ALG1: variants seen among roughly 807,000 people sequenced by gnomAD.
ALG1 encodes chitobiosyldiphosphodolichol beta-mannosyltransferase.
In ALG1, 58 loss-of-function variants were observed where a neutral mutation model predicts 55.1. That is an observed-to-expected ratio of 1.05 (90% CI 0.85 to 1.31). The LOEUF (loss-of-function observed/expected upper bound fraction) is 1.31, where lower values mean the gene tolerates loss of function less well. Among genes scored for constraint, ALG1 ranks in the 50% most tolerant of loss-of-function variants. The probability of loss-of-function intolerance (pLI) is 0.00; values close to 1 mark genes in which losing one functional copy is unlikely to be tolerated. For synonymous variants in ALG1, 309 were observed against 247.0 expected (o/e 1.25, Z -2.35); for missense variants, 761 against 598.6 (o/e 1.27, Z -2.83).
chr16:5,072,139 G>A, intron 1 of ALG1, 82 bp downstream of exon 1: 2 of 1,547,740 alleles, frequency 1.3e-6, no homozygotes, highest in Non-Finnish European at 1.7e-6. Flanking sequence ...AGTCGAGGCG[G>A]AAGTGCTCCT....
intron 4 of ALG1, among the ~76,000 whole-genome samples, chr16:5,076,284 GCC>G (rs1401322638): frequency 6.6e-6 from 1 of 152,218 alleles, no homozygotes; most frequent in African/African-American, 2.4e-5. Flanking sequence ...TGTGGCCTTC[GCC>G]CTGATAGTTT....
rs144047909 is a variant in ALG1, at chr16:5,084,831, T to C, written c.1345T>C (p.Trp449Arg). Residue 449 changes from tryptophan (W) to arginine (R), a missense_variant, in exon 13 of 13, where the codon TGG (tryptophan) becomes CGG (arginine). Transcript: ENST00000262374. ...KNLRESQQLR[W>R]DESWVQTVLP... The stretch of plus-strand genomic sequence containing the variant: ...CCTGCGGGAGTCGCAGCAGCTCCGA[T>C]GGGATGAGAGCTGGGTGCAGACTGT... 1.3e-6 allele frequency: 2 copies of C among 1,596,464 alleles called. No individual in the cohort carries two copies. Among genetic ancestry groups the C allele is most frequent in the South Asian group, 1.1e-5 (1 of 90,992 alleles).
chr16:5,078,850 C>G lies in ALG1; in HGVS notation c.834C>G (p.Ala278=). 6.2e-7 allele frequency: 1 copy of G among 1,611,842 alleles called. No individual in the cohort carries two copies. Among genetic ancestry groups the G allele is most frequent in the Non-Finnish European group, 8.5e-7 (1 of 1,179,796 alleles). The change falls in exon 7 of 13, where the codon GCC becomes GCG. Residue 278 remains alanine, a synonymous_variant. Transcript: ENST00000262374. ...GLVTRLRERP[A]LLVSSTSWTE... ...TGACGCGTCTCCGTGAGCGGCCAGCCCTGCTGGTCAGCAGCACGAGCTGGA... is the reference window on the plus strand; with the variant it reads ...TGACGCGTCTCCGTGAGCGGCCAGCGCTGCTGGTCAGCAGCACGAGCTGGA...
At position 5,073,230 on chromosome 16, in the gene ALG1, G is replaced by A. The variant is rs1956850865; in HGVS notation, c.364G>A (p.Glu122Lys). The change falls in exon 3 of 13, where the codon GAG becomes AAG. Residue 122 changes from glutamate (E) to lysine (K), a missense_variant. Glu to Lys is a moderately conservative substitution (Grantham distance 56, BLOSUM62 1). Transcript: ENST00000262374. Reference protein sequence around the residue: ...MYLLWKLMWREPGAYIFLQNP... With the variant: ...MYLLWKLMWRKPGAYIFLQNP... ...CTTGCTGTGGAAGTTGATGTGGAGGGAGCCAGGTGCCTATATCTTTCTCCA... is the reference window on the plus strand; with the variant it reads ...CTTGCTGTGGAAGTTGATGTGGAGGAAGCCAGGTGCCTATATCTTTCTCCA... 1 of 1,614,178 alleles carries A rather than the reference G, an allele frequency of 6.2e-7. No individual in the cohort carries two copies. Among genetic ancestry groups the A allele is most frequent in the Non-Finnish European group, 8.5e-7 (1 of 1,180,012 alleles).
At chr16:5,083,228 T>C (rs1422424003) in intron 11 of ALG1, among the ~76,000 whole-genome samples, 4 of 152,100 alleles carry the variant, frequency 2.6e-5, no homozygotes, top group Admixed American at 6.6e-5. Flanking sequence ...TGGCCCCTGC[T>C]CAGGAGCCGG....
chr16:5,082,298 A>G (rs892735791), intron 10 of ALG1, among the ~76,000 whole-genome samples: 19 of 152,046 alleles, frequency 1.2e-4, no homozygotes, highest in African/African-American at 4.3e-4. Flanking sequence ...GGGTGACAGA[A>G]TGAGACTCTG....
In ALG1 at chr16:5,073,261, GT is replaced by G. The variant is rs1307862721; in HGVS notation, c.390+6del. 1 of 1,613,238 alleles carries G rather than the reference GT, an allele frequency of 6.2e-7. No homozygotes were observed. The highest frequency in any genetic ancestry group is 1.3e-5 in the African/African-American group (1 of 74,890). On this transcript the variant is annotated splice_donor_region_variant and intron_variant, in intron 3 of 12. Transcript: ENST00000262374. Reference sequence around the variant, plus strand: ...GGTGCCTATATCTTTCTCCAGGTGTGTATCAGCCTCTGCCTCCCTCTGTGAG... The same window carrying G: ...GGTGCCTATATCTTTCTCCAGGTGTGATCAGCCTCTGCCTCCCTCTGTGAG...
intron 4 of ALG1, 118 bp from the exon 5 acceptor site, chr16:5,077,327 A>G: frequency 1.2e-6 from 1 of 865,504 alleles, no homozygotes; most frequent in Non-Finnish European, 2.0e-6. Flanking sequence ...GCTGGGGCTC[A>G]GGGAGCTCAA....
At chr16:5,082,757 A>G (rs1320328961) in intron 11 of ALG1, 84 bp downstream of exon 11, 7 of 1,526,018 alleles carry the variant, frequency 4.6e-6, no homozygotes. Flanking sequence ...AGCTGCCCAC[A>G]GTGAGGCCCT....
rs1241438792 is a variant in ALG1 at position 5,079,074 on chromosome 16, C to G, written c.873C>G (p.Asp291Glu). 2 of 1,599,064 alleles carry G rather than the reference C, an allele frequency of 1.3e-6. No homozygotes were observed. The highest frequency in any genetic ancestry group is 8.5e-7 in the Non-Finnish European group (1 of 1,179,690). ...ATTCTCTTCTCATAGAGGACGAAGA[C>G]TTCTCCATCCTGCTGGCAGCTTTAG... The part of the protein sequence containing the change: ...VSSTSWTEDE[D>E]FSILLAALEK... The change falls in exon 8 of 13, where the codon GAC becomes GAG. Residue 291 changes from aspartate (D) to glutamate (E), a missense_variant. Coordinates refer to ENST00000262374, the MANE Select transcript of ALG1 (RefSeq NM_019109.5).
chr16:5,080,666 G>A (rs191055046), intron 9 of ALG1, among the ~76,000 whole-genome samples: 182 of 152,342 alleles, frequency 1.2e-3, no homozygotes, highest in African/African-American at 4.1e-3. Context: ...CCCAGTGGGC[G>A]GTCGGGTGCC....
intron 1 of ALG1, 63 bp from the exon 2 acceptor site, chr16:5,072,888 G>C: frequency 1.4e-6 from 2 of 1,436,160 alleles, no homozygotes; most frequent in Non-Finnish European, 2.0e-6. Context: ...GCCTGAGTTG[G>C]GAGATTATCT....
intron 6 of ALG1, 65 bp downstream of exon 6, chr16:5,078,082 A>G (rs947934208): frequency 6.4e-7 from 1 of 1,554,046 alleles, no homozygotes; most frequent in African/African-American, 1.4e-5. Context: ...TCCCCTTCTC[A>G]CTGCAGACCT....
chr16:5,074,304 C>T (rs1956869841), intron 3 of ALG1, among the ~76,000 whole-genome samples: 1 of 151,982 alleles, frequency 6.6e-6, no homozygotes, highest in South Asian at 2.1e-4. Flanking sequence ...TGCCACCATG[C>T]CTGGCTAATT....
intron 4 of ALG1, among the ~76,000 whole-genome samples, chr16:5,075,904 A>G (rs773357499): frequency 6.6e-6 from 1 of 152,092 alleles, no homozygotes; most frequent in Non-Finnish European, 1.5e-5. Flanking sequence ...TGGCTCATGT[A>G]GGTTACCTGC....
At position 5,085,133 on chromosome 16, in the gene ALG1, TA is replaced by T; in HGVS notation, c.*253del. 1.5e-6 allele frequency: 1 copy of T among 664,532 alleles called. No individual in the cohort carries two copies. The highest frequency in any genetic ancestry group is 2.5e-6 in the Non-Finnish European group (1 of 396,430). 41.2% of individuals were successfully genotyped at this position (664,532 alleles called of 1,614,324 possible). ...TTCACGCCCCATGCCCCTGCTAGCG[TA>T]TTACTGTTCTGTGACTTCCCTGTGA... On this transcript the variant is annotated 3_prime_UTR_variant, in exon 13 of 13. Transcript: ENST00000262374.
At chr16:5,073,965 T>A (rs1394606897) in intron 3 of ALG1, among the ~76,000 whole-genome samples, 2 of 152,224 alleles carry the variant, frequency 1.3e-5, no homozygotes, top group African/African-American at 4.8e-5. Flanking sequence ...TCCGCCCCCC[T>A]CGGCGTCCCA....
At chr16:5,077,114 G>T (rs1288245625) in intron 4 of ALG1, among the ~76,000 whole-genome samples, 3 of 152,054 alleles carry the variant, frequency 2.0e-5, no homozygotes, top group African/African-American at 7.2e-5. Context: ...GCAAGAGAGA[G>T]GATGTTCACT....
Position 5,084,746 on chromosome 16 carries a change from G to C in ALG1, c.1264-4G>C, listed in dbSNP as rs758181814. The C allele has an allele frequency of 3.1e-6, 5 of 1,596,418 alleles. No homozygotes were observed. The highest frequency in any genetic ancestry group is 4.2e-6 in the Non-Finnish European group (5 of 1,179,750). On this transcript the variant is annotated splice_polypyrimidine_tract_variant and splice_region_variant and intron_variant, in intron 12 of 12. Coordinates refer to ENST00000262374, the MANE Select transcript of ALG1 (RefSeq NM_019109.5). Reference sequence around the variant, plus strand: ...GGTAAGCTCTGCTCTTTATTTTTTTGCAGATGCTTTTCTCAAACTTTCCTG... The same window carrying C: ...GGTAAGCTCTGCTCTTTATTTTTTTCCAGATGCTTTTCTCAAACTTTCCTG...
Sources: allele counts gnomAD v4.1 joint callset (sites outside exome capture counted in the v4.1 genomes callset), GRCh38; gene constraint gnomAD v4.1.1; transcripts MANE v1.5; gene names NCBI Gene and HGNC (gene_info 2026-07-23, HGNC 2026-07-21).